HELZ: variants seen among roughly 807,000 people sequenced by gnomAD.
HELZ encodes ATP-dependent RNA helicase with zinc finger domain.
A neutral mutation model predicts 218.2 loss-of-function variants in HELZ; 23 were observed. The observed-to-expected ratio is 0.11, with a 90% CI of 0.08 to 0.15. The LOEUF (loss-of-function observed/expected upper bound fraction) is 0.15, where lower values mean the gene tolerates loss of function less well. Ranked by LOEUF, HELZ falls within the 10% of genes least tolerant of loss-of-function variation. The probability of loss-of-function intolerance (pLI) is 1.00; values close to 1 mark genes in which losing one functional copy is unlikely to be tolerated. For synonymous variants in HELZ, 814 were observed against 829.4 expected (o/e 0.98, Z 0.32); for missense variants, 1,813 against 2,353.7 (o/e 0.77, Z 4.75).
intron 32 of HELZ, among the ~76,000 whole-genome samples, chr17:67,081,604 G>A (rs2036190841): frequency 6.6e-6 from 1 of 152,166 alleles, no homozygotes; most frequent in African/African-American, 2.4e-5. Context: ...GCTCCTTGAG[G>A]GAGAGGACCA....
chr17:67,167,985 T>G (rs948774574), intron 13 of HELZ, among the ~76,000 whole-genome samples, 189 bp from the exon 14 acceptor site: 1 of 152,116 alleles, frequency 6.6e-6, no homozygotes, highest in African/African-American at 2.4e-5. Context: ...AAAAAAATTT[T>G]TTTTTTTGTT....
chr17:67,099,618 T>C (rs554211875), intron 31 of HELZ, among the ~76,000 whole-genome samples: 4 of 152,314 alleles, frequency 2.6e-5, no homozygotes, highest in South Asian at 4.1e-4. Context: ...GTATAAATTT[T>C]TACTGTTAAA....
intron 27 of HELZ, among the ~76,000 whole-genome samples, chr17:67,119,325 C>A (rs2037526823): frequency 6.6e-6 from 1 of 152,086 alleles, no homozygotes; most frequent in Admixed American, 6.5e-5. Flanking sequence ...AAGGAACAAA[C>A]AACTGACACA....
intron 7 of HELZ, among the ~76,000 whole-genome samples, chr17:67,196,598 A>ATGGATGGGTGCATGGGTGGG (rs2040036587): frequency 6.6e-5 from 9 of 135,854 alleles, no homozygotes; most frequent in Non-Finnish European, 4.7e-5. Flanking sequence ...GGATGGATGG[A>ATGGATGGGTGCATGGGTGGG]TGGATGGGTG....
At chr17:67,160,125 C>A (rs2038955453) in intron 17 of HELZ, 136 bp downstream of exon 17, 4 of 599,604 alleles carry the variant, frequency 6.7e-6, no homozygotes, top group South Asian at 2.2e-5. Flanking sequence ...TAAACAGTTT[C>A]TTCAAAAGAC....
intron 2 of HELZ, among the ~76,000 whole-genome samples, chr17:67,241,066 C>G (rs1408732630): frequency 6.6e-6 from 1 of 152,186 alleles, no homozygotes; most frequent in Non-Finnish European, 1.5e-5. Context: ...GCCAATGCTA[C>G]AGAAGTAACC....
chr17:67,177,653 A>C (rs1327237863), intron 13 of HELZ, among the ~76,000 whole-genome samples: 1 of 151,900 alleles, frequency 6.6e-6, no homozygotes, highest in Non-Finnish European at 1.5e-5. Flanking sequence ...TGATAAAAAA[A>C]AAAAGCCTTT....
At chr17:67,157,351 C>A (rs2038874043) in intron 17 of HELZ, among the ~76,000 whole-genome samples, 1 of 152,160 alleles carries the variant, frequency 6.6e-6, no homozygotes, top group Admixed American at 6.5e-5. Flanking sequence ...GACGTTTTCA[C>A]AATTACCTTG....
Position 67,111,963 on chromosome 17 carries a change from TCTTAATTGTCTCTATCA to T in HELZ, c.3919-2294_3919-2278del, listed in dbSNP as rs1320673663. On this transcript the variant is annotated intron_variant, in intron 28 of 32. Transcript: ENST00000358691. ...AAGGTTGTTTATGAATAAGTTGCTA[TCTTAATTGTCTCTATCA>T]CTTCTGACCCTGACATTGAAAGGAA... Among the ~76,000 whole-genome samples the T allele has an allele frequency of 7.9e-5, 12 of 152,338 alleles. No individual in the cohort carries two copies. The East Asian group carries it at 2.3e-3, about 29-fold the overall frequency.
Position 67,107,514 on chromosome 17 carries a change from A to C in HELZ, c.4896T>G (p.Ser1632=), listed in dbSNP as rs1395595893. 3 of 1,614,188 alleles carry C rather than the reference A, an allele frequency of 1.9e-6. No individual in the cohort carries two copies. Among genetic ancestry groups the C allele is most frequent in the Non-Finnish European group, 2.5e-6 (3 of 1,180,030 alleles). ...PSSTDHSSHF[S]NFNDNSRDIE... Reference sequence around the variant, plus strand: ...TGTCTCTGCTGTTATCATTAAAGTTAGAAAAGTGGCTACTGTGGTCTGTAC... The same window carrying C: ...TGTCTCTGCTGTTATCATTAAAGTTCGAAAAGTGGCTACTGTGGTCTGTAC... Residue 1632 remains serine, a synonymous_variant, in exon 31 of 33, where the codon TCT becomes TCG. Coordinates refer to ENST00000358691, the MANE Select transcript of HELZ (RefSeq NM_014877.4).
chr17:67,104,850 G>A (rs573937343), intron 31 of HELZ, among the ~76,000 whole-genome samples: 1 of 152,168 alleles, frequency 6.6e-6, no homozygotes, highest in African/African-American at 2.4e-5. Flanking sequence ...GGCTGGGCGC[G>A]GTGGCTTACG....
chr17:67,081,366 A>G (rs1326825238), intron 32 of HELZ, among the ~76,000 whole-genome samples: 1 of 152,200 alleles, frequency 6.6e-6, no homozygotes. Flanking sequence ...AATGGGAAGC[A>G]TTTCCTCATT....
chr17:67,133,007 T>C (rs2038033343), intron 23 of HELZ, among the ~76,000 whole-genome samples: 1 of 152,170 alleles, frequency 6.6e-6, no homozygotes, highest in Admixed American at 6.5e-5. Context: ...ACTGTGAGAG[T>C]AAATTAATAT....
intron 13 of HELZ, among the ~76,000 whole-genome samples, chr17:67,171,594 CTT>C (rs2144180259): frequency 6.6e-6 from 1 of 152,290 alleles, no homozygotes; most frequent in East Asian, 1.9e-4. Flanking sequence ...AACATGACTT[CTT>C]GTCTCAAATC....
At chr17:67,182,362 T>C (rs1048575434) in intron 12 of HELZ, among the ~76,000 whole-genome samples, 14 of 152,124 alleles carry the variant, frequency 9.2e-5, no homozygotes, top group African/African-American at 3.1e-4. Flanking sequence ...GGAGAATCGC[T>C]TGAACCCAGG....
chr17:67,155,176 T>C (rs764282306), intron 17 of HELZ, among the ~76,000 whole-genome samples: 1 of 151,582 alleles, frequency 6.6e-6, no homozygotes, highest in East Asian at 1.9e-4. Context: ...AGGTAGAAAA[T>C]CAAGAAAGAG....
intron 5 of HELZ, among the ~76,000 whole-genome samples, chr17:67,204,299 C>T (rs1046322088): frequency 6.6e-6 from 1 of 152,118 alleles, no homozygotes; most frequent in Non-Finnish European, 1.5e-5. Context: ...CCTATTATTA[C>T]ACAAACATTA....
intron 21 of HELZ, among the ~76,000 whole-genome samples, chr17:67,143,112 T>A (rs546891382): frequency 4.2e-4 from 64 of 152,268 alleles, no homozygotes; most frequent in Non-Finnish European, 4.1e-4. Flanking sequence ...TAGGGAGATG[T>A]AACAATTATA....
chr17:67,204,854 G>A (rs981842855), intron 5 of HELZ, among the ~76,000 whole-genome samples: 1 of 152,176 alleles, frequency 6.6e-6, no homozygotes, highest in South Asian at 2.1e-4. Context: ...CATTAAGAAT[G>A]TCTTGAGTGT....
Sources: allele counts gnomAD v4.1 joint callset (sites outside exome capture counted in the v4.1 genomes callset), GRCh38; gene constraint gnomAD v4.1.1; transcripts MANE v1.5; gene names NCBI Gene and HGNC (gene_info 2026-07-23, HGNC 2026-07-21).